The following NUBPL variants were observed in gnomAD, a reference collection of about 807,000 sequenced individuals.
The protein encoded by NUBPL is NUBP iron-sulfur cluster assembly factor, mitochondrial.
NUBPL carries 31 observed loss-of-function variants against 45.7 expected under a neutral mutation model. The observed-to-expected ratio is 0.68, with a 90% CI of 0.51 to 0.92. The LOEUF (loss-of-function observed/expected upper bound fraction) is 0.92. Among genes scored for constraint, NUBPL ranks in the 40% least tolerant of loss-of-function variants. The pLI is 0.00. For synonymous variants in NUBPL, 144 were observed against 140.9 expected, an observed-to-expected ratio of 1.02 and a Z score of -0.15; for missense variants, 401 against 398.7, an observed-to-expected ratio of 1.01 and a Z score of -0.05.
intron 8 of NUBPL, among the ~76,000 whole-genome samples, chr14:31,839,770 A>G (rs1213483163): frequency 1.3e-5 from 2 of 152,310 alleles, no homozygotes; most frequent in Non-Finnish European, 2.9e-5. Flanking sequence ...TGATTTTTTT[A>G]AATGGGTGAA....
chr14:31,711,841 G>A (rs926252722), intron 6 of NUBPL, among the ~76,000 whole-genome samples: 2 of 152,070 alleles, frequency 1.3e-5, no homozygotes, highest in Non-Finnish European at 2.9e-5. Context: ...GAAGACCTTC[G>A]CGGTGGGTGT....
At chr14:31,749,381 A>T (rs560356701) in intron 6 of NUBPL, among the ~76,000 whole-genome samples, 1 of 152,264 alleles carries the variant, frequency 6.6e-6, no homozygotes, top group African/African-American at 2.4e-5. Flanking sequence ...ATTTGTTGTA[A>T]AGCTGGTCTT....
At chr14:31,700,669 G>C (rs557225612) in intron 6 of NUBPL, among the ~76,000 whole-genome samples, 1 of 152,320 alleles carries the variant, frequency 6.6e-6, no homozygotes, top group Admixed American at 6.5e-5. Context: ...GCCCCGGGCA[G>C]TGAGGGGCTT....
At chr14:31,814,046 A>T (rs549219078) in intron 7 of NUBPL, among the ~76,000 whole-genome samples, 6 of 152,296 alleles carry the variant, frequency 3.9e-5, no homozygotes, top group African/African-American at 1.4e-4. Context: ...TTGGGTATAT[A>T]CCCAGCAATG....
At chr14:31,848,648 C>T (rs1328757223) in intron 9 of NUBPL, among the ~76,000 whole-genome samples, 1 of 152,194 alleles carries the variant, frequency 6.6e-6, no homozygotes, top group African/African-American at 2.4e-5. Context: ...CTGCTCCTCA[C>T]TCACTTTTAC....
chr14:31,646,200 T>A (rs927552138), intron 4 of NUBPL, among the ~76,000 whole-genome samples: 1 of 152,098 alleles, frequency 6.6e-6, no homozygotes, highest in South Asian at 2.1e-4. Flanking sequence ...CCCCGCTTTT[T>A]TTTTGAGACT....
At chr14:31,673,773 T>C (rs1324144543) in intron 6 of NUBPL, among the ~76,000 whole-genome samples, 199 bp downstream of exon 6, 1 of 152,176 alleles carries the variant, frequency 6.6e-6, no homozygotes, top group Non-Finnish European at 1.5e-5. Flanking sequence ...TTCCCATTGC[T>C]TGTGAGTACT....
intron 6 of NUBPL, among the ~76,000 whole-genome samples, chr14:31,703,770 C>A (rs1300972357): frequency 6.6e-6 from 1 of 152,170 alleles, no homozygotes; most frequent in African/African-American, 2.4e-5. Flanking sequence ...CAGAGCCAAG[C>A]CATATCAATT....
At chr14:31,841,703 G>A (rs564541644) in intron 8 of NUBPL, among the ~76,000 whole-genome samples, 2 of 152,012 alleles carry the variant, frequency 1.3e-5, no homozygotes, top group South Asian at 4.2e-4. Context: ...ATCTCTGCCT[G>A]CCTGCAGCAT....
intron 7 of NUBPL, among the ~76,000 whole-genome samples, chr14:31,810,188 T>C (rs1053915906): frequency 5.3e-5 from 8 of 152,084 alleles, no homozygotes; most frequent in South Asian, 2.1e-4. Flanking sequence ...CCTTATGTCT[T>C]GTTGATCTGT....
At chr14:31,630,522 A>G (rs1289138398) in intron 4 of NUBPL, among the ~76,000 whole-genome samples, 1 of 152,084 alleles carries the variant, frequency 6.6e-6, no homozygotes, top group African/African-American at 2.4e-5. Context: ...ATCTTGACAC[A>G]CTCTGCCTAG....
chr14:31,726,513 C>T (rs942491337), intron 6 of NUBPL, among the ~76,000 whole-genome samples: 1 of 152,156 alleles, frequency 6.6e-6, no homozygotes, highest in Non-Finnish European at 1.5e-5. Context: ...ATGTGTCAGG[C>T]ATTCAGGGTT....
chr14:31,824,660 G>C (rs2040069476), intron 7 of NUBPL, among the ~76,000 whole-genome samples: 1 of 152,090 alleles, frequency 6.6e-6, no homozygotes, highest in Non-Finnish European at 1.5e-5. Flanking sequence ...TGATAACTTA[G>C]TTCTCCTACC....
chr14:31,654,895 T>C (rs908842671), intron 4 of NUBPL, among the ~76,000 whole-genome samples: 1 of 152,250 alleles, frequency 6.6e-6, no homozygotes, highest in Non-Finnish European at 1.5e-5. Flanking sequence ...TTATATAACA[T>C]TCTAAACTTT....
intron 6 of NUBPL, among the ~76,000 whole-genome samples, chr14:31,746,246 T>C (rs4981899): frequency 0.46 from 69,626 of 151,714 alleles, 17,402 homozygotes; most frequent in African/African-American, 0.66. Context: ...GTGGCAAGAG[T>C]GGGCATCCTT....
chr14:31,818,248 A>G (rs2039956530), intron 7 of NUBPL, among the ~76,000 whole-genome samples: 1 of 152,162 alleles, frequency 6.6e-6, no homozygotes, highest in Admixed American at 6.5e-5. Flanking sequence ...AGACAGAACA[A>G]CGTGACAGAA....
intron 3 of NUBPL, among the ~76,000 whole-genome samples, chr14:31,577,497 T>C (rs1595304990): frequency 6.6e-6 from 1 of 152,198 alleles, no homozygotes; most frequent in African/African-American, 2.4e-5. Context: ...CACTGCAACC[T>C]CCACCTGCCA....
At chr14:31,829,479 GAGT>G (rs2040156458) in intron 8 of NUBPL, among the ~76,000 whole-genome samples, 1 of 152,174 alleles carries the variant, frequency 6.6e-6, no homozygotes, top group African/African-American at 2.4e-5. Flanking sequence ...TCTGGGCTAT[GAGT>G]GGGAAGTGGA....
At chr14:31,854,792 T>A (rs1329218650) in intron 10 of NUBPL, among the ~76,000 whole-genome samples, 1 of 152,162 alleles carries the variant, frequency 6.6e-6, no homozygotes, top group Non-Finnish European at 1.5e-5. Context: ...CTCTTTTATA[T>A]CATTACACAC....
Sources: gnomAD v4.1 joint callset for allele counts (sites outside exome capture counted in the v4.1 genomes callset) on GRCh38, gnomAD v4.1.1 for gene constraint, MANE v1.5 for transcripts, NCBI Gene and HGNC (gene_info 2026-07-23, HGNC 2026-07-21) for gene names.